Variants in GALK2 observed in about 807,000 individuals in gnomAD.
The protein encoded by GALK2 is N-acetylgalactosamine kinase.
A neutral mutation model predicts 52.4 loss-of-function variants in GALK2; 36 were observed. The ratio of observed to expected loss-of-function variants is 0.69; its 90% CI spans 0.53 to 0.91. GALK2 has a LOEUF of 0.91. Among genes scored for constraint, GALK2 ranks in the 40% least tolerant of loss-of-function variants. GALK2 has a pLI of 0.00. For synonymous variants in GALK2, 176 were observed against 199.1 expected (o/e 0.88, Z 0.98); for missense variants, 579 against 559.1 (o/e 1.04, Z -0.36).
chr15:49,250,087 T>G (rs11631782), intron 5 of GALK2, among the ~76,000 whole-genome samples: 11,819 of 152,292 alleles, frequency 0.078, 619 homozygotes, highest in Middle Eastern at 0.17. Context: ...GGTGTACTCT[T>G]GTGGTAAAAC....
In GALK2 at chr15:49,305,550, C is replaced by G. The variant is rs762159326; in HGVS notation, c.967+13013C>G. On this transcript the variant is annotated intron_variant, in intron 8 of 9. Transcript: ENST00000560031. ...CCACTGATGGAACAGTAAAAAAGAC[C>G]AGAGACCACCTACATAGGAAAGCAA... Among the ~76,000 whole-genome samples the G allele has an allele frequency of 5.3e-5, 8 of 152,116 alleles. 1 individual carries two copies. Among genetic ancestry groups the G allele is most frequent in the Non-Finnish European group, 1.2e-4 (8 of 68,026 alleles).
chr15:49,233,011 C>A (rs1404653677), intron 3 of GALK2, among the ~76,000 whole-genome samples: 1 of 152,224 alleles, frequency 6.6e-6, no homozygotes, highest in Admixed American at 6.5e-5. Context: ...TGCAAATTCA[C>A]ATTTTCAGGT....
intron 4 of GALK2, among the ~76,000 whole-genome samples, chr15:49,238,352 A>G (rs2090933418): frequency 6.6e-6 from 1 of 152,196 alleles, no homozygotes; most frequent in Admixed American, 6.5e-5. Context: ...TTAAATCAGA[A>G]TCTGATTATT....
chr15:49,203,436 G>A (rs969425397), intron 2 of GALK2, among the ~76,000 whole-genome samples: 5 of 151,924 alleles, frequency 3.3e-5, no homozygotes, highest in Admixed American at 6.6e-5. Flanking sequence ...TTCCTTGTTC[G>A]GTGAATAGTT....
intron 8 of GALK2, among the ~76,000 whole-genome samples, chr15:49,294,750 A>C (rs1476532273): frequency 6.6e-6 from 1 of 152,196 alleles, no homozygotes; most frequent in Non-Finnish European, 1.5e-5. Context: ...GCTATAATAA[A>C]GGTATTTATC....
Position 49,292,455 on chromosome 15 carries a change from T to A in GALK2, c.885T>A (p.Tyr295Ter). The A allele has an allele frequency of 1.2e-6, 2 of 1,614,036 alleles. No individual in the cohort carries two copies. Among genetic ancestry groups the A allele is most frequent in the Non-Finnish European group, 1.7e-6 (2 of 1,179,978 alleles). ...AAGATGCCCTTCATCCTGAACCCTA[T>A]AACCCTGAGGAGATCTGCAGGTGTC... ...VTEDALHPEP[Y>*]NPEEICRCLG... Residue 295 changes from tyrosine to a stop codon, truncating the protein, a stop_gained, in exon 8 of 10, where the codon TAT becomes TAA. Coordinates refer to ENST00000560031, the MANE Select transcript of GALK2 (RefSeq NM_002044.4). LOFTEE classifies it high-confidence loss of function.
chr15:49,323,435 G>T (rs1265834883), intron 9 of GALK2, among the ~76,000 whole-genome samples: 4 of 152,146 alleles, frequency 2.6e-5, no homozygotes, highest in African/African-American at 9.7e-5. Context: ...AGCTGAAATG[G>T]GTTCAAGGAG....
intron 3 of GALK2, among the ~76,000 whole-genome samples, chr15:49,226,465 A>C (rs1162852882): frequency 1.3e-5 from 2 of 152,146 alleles, no homozygotes; most frequent in Middle Eastern, 3.4e-3. Context: ...AGTTTACTTA[A>C]TTTTTAGTCT....
Position 49,210,405 on chromosome 15 carries a change from T to G in GALK2, c.143-6785T>G, listed in dbSNP as rs185710387. Among the ~76,000 whole-genome samples, 450 of 150,182 alleles carry G rather than the reference T, an allele frequency of 3.0e-3. 5 individuals carry two copies. Among genetic ancestry groups the G allele is most frequent in the African/African-American group, 0.011 (427 of 40,094 alleles). On this transcript the variant is annotated intron_variant, in intron 2 of 9. Transcript: ENST00000560031. ...TATATGCAAAATTTCTACCTTTTTT[T>G]TTAGTGGCTGATTTATTTTATTTTA...
intron 3 of GALK2, among the ~76,000 whole-genome samples, chr15:49,233,807 C>T (rs373902478): frequency 1.8e-4 from 27 of 152,218 alleles, no homozygotes; most frequent in South Asian, 1.7e-3. Flanking sequence ...CTATCAAATG[C>T]GGACTTTTAG....
chr15:49,313,155 G>A (rs1410340776), intron 8 of GALK2, among the ~76,000 whole-genome samples: 1 of 152,216 alleles, frequency 6.6e-6, no homozygotes, highest in Non-Finnish European at 1.5e-5. Flanking sequence ...CCAGCCAACA[G>A]TTGCTAGACA....
chr15:49,366,173 G>A (rs1285381399), intron 3 of GALK2: 3 of 881,818 alleles, frequency 3.4e-6, no homozygotes, highest in Non-Finnish European at 5.9e-6. Flanking sequence ...AACCACCATA[G>A]TATAATCAAA....
At chr15:49,299,872 G>A (rs1158315472) in intron 8 of GALK2, among the ~76,000 whole-genome samples, 1 of 150,888 alleles carries the variant, frequency 6.6e-6, no homozygotes, top group Non-Finnish European at 1.5e-5. Context: ...TGGGCATGTG[G>A]TCAGTCTTAT....
chr15:49,297,322 G>A (rs924004800), intron 8 of GALK2, among the ~76,000 whole-genome samples: 2 of 151,954 alleles, frequency 1.3e-5, no homozygotes, highest in South Asian at 2.1e-4. Context: ...CATAGATTCT[G>A]GATATTAGAC....
At chr15:49,348,829 T>G (rs1040525649) in intron 3 of GALK2, among the ~76,000 whole-genome samples, 2 of 152,220 alleles carry the variant, frequency 1.3e-5, no homozygotes, top group African/African-American at 4.8e-5. Flanking sequence ...GCCTTTGATA[T>G]TCACTTAAAC....
chr15:49,157,466 G>T (rs1260146309), intron 1 of GALK2, among the ~76,000 whole-genome samples: 1 of 152,142 alleles, frequency 6.6e-6, no homozygotes, highest in African/African-American at 2.4e-5. Context: ...TGTCTTTACA[G>T]TTATAAAAAG....
intron 1 of GALK2, among the ~76,000 whole-genome samples, chr15:49,190,609 T>C (rs1417388653): frequency 6.6e-6 from 1 of 152,224 alleles, no homozygotes; most frequent in Non-Finnish European, 1.5e-5. Flanking sequence ...AGGAGGCCTC[T>C]CTACTTCTAT....
rs1342818508 is a variant in GALK2 at position 49,212,305 on chromosome 15, CT to C, written c.143-4884del. On this transcript the variant is annotated intron_variant, in intron 2 of 9. Coordinates refer to ENST00000560031, the MANE Select transcript of GALK2 (RefSeq NM_002044.4). Reference sequence around the variant, plus strand: ...ATGGGGTTTCACCCTGTTGGCCAGGCTGGTCTTGAACGCCTGGCCTTGTGAT... The same window carrying C: ...ATGGGGTTTCACCCTGTTGGCCAGGCGGTCTTGAACGCCTGGCCTTGTGAT... 8.1e-3 allele frequency among the ~76,000 whole-genome samples: 1,233 copies of C among 152,228 alleles called. 17 individuals are homozygous for C. The highest frequency in any genetic ancestry group is 0.029 in the African/African-American group (1,186 of 41,544).
At chr15:49,239,415 A>G (rs1881375872) in intron 5 of GALK2, 48 bp downstream of exon 5, 1 of 1,550,928 alleles carries the variant, frequency 6.4e-7, no homozygotes. Flanking sequence ...CCTAATAATC[A>G]TTAGCATCCA....
Sources: gnomAD v4.1 joint callset for allele counts (sites outside exome capture counted in the v4.1 genomes callset) on GRCh38, gnomAD v4.1.1 for gene constraint, MANE v1.5 for transcripts, NCBI Gene and HGNC (gene_info 2026-07-23, HGNC 2026-07-21) for gene names.